TSPAN5: variants seen among roughly 807,000 people sequenced by gnomAD.
TSPAN5 encodes tetraspanin-5.
Under a neutral mutation model 37.1 loss-of-function variants are expected in TSPAN5, and 10 were observed. The observed-to-expected ratio is 0.27, with a 90% confidence interval of 0.17 to 0.46. TSPAN5 has a LOEUF of 0.46. Ranked by LOEUF, TSPAN5 falls within the 20% of genes least tolerant of loss-of-function variation. The pLI, the probability that TSPAN5 is intolerant of heterozygous loss-of-function variation, is 1.00. For missense variants in TSPAN5, 195 were observed against 326.6 expected, an observed-to-expected ratio of 0.60 and a Z score of 3.11; for synonymous variants, 110 against 118.9, an observed-to-expected ratio of 0.93 and a Z score of 0.48.
intron 5 of TSPAN5, among the ~76,000 whole-genome samples, chr4:98,478,254 G>A (rs1752751242): frequency 6.6e-6 from 1 of 152,170 alleles, no homozygotes; most frequent in African/African-American, 2.4e-5. Flanking sequence ...AATGCAGAGA[G>A]CTCTCATATG....
At chr4:98,534,816 T>A (rs565248790) in intron 1 of TSPAN5, among the ~76,000 whole-genome samples, 2 of 152,366 alleles carry the variant, frequency 1.3e-5, no homozygotes, top group African/African-American at 4.8e-5. Context: ...AAGTCTTTTT[T>A]ATCAGAGGTT....
At chr4:98,569,724 A>T (rs574584853) in intron 1 of TSPAN5, among the ~76,000 whole-genome samples, 19 of 152,334 alleles carry the variant, frequency 1.2e-4, no homozygotes, top group Non-Finnish European at 1.9e-4. Context: ...CAAGACAGAG[A>T]AGAAAATTTG....
At chr4:98,614,227 T>C (rs1756266379) in intron 1 of TSPAN5, among the ~76,000 whole-genome samples, 1 of 152,216 alleles carries the variant, frequency 6.6e-6, no homozygotes, top group Admixed American at 6.5e-5. Context: ...CCTAAAACTT[T>C]GGAGTCTTAT....
chr4:98,520,595 A>G (rs1473455973), intron 1 of TSPAN5, among the ~76,000 whole-genome samples: 1 of 152,204 alleles, frequency 6.6e-6, no homozygotes, highest in Non-Finnish European at 1.5e-5. Context: ...GCTGCAGAGT[A>G]ACTGTGTGTG....
At chr4:98,608,486 AC>A (rs941294700) in intron 1 of TSPAN5, among the ~76,000 whole-genome samples, 13 of 151,758 alleles carry the variant, frequency 8.6e-5, no homozygotes, top group Non-Finnish European at 1.6e-4. Flanking sequence ...CATGTTCCTA[AC>A]CCCCTTATCT....
chr4:98,513,500 C>T (rs183445428), intron 1 of TSPAN5, among the ~76,000 whole-genome samples: 9 of 152,088 alleles, frequency 5.9e-5, no homozygotes, highest in South Asian at 2.1e-4. Flanking sequence ...TACGGTGAAA[C>T]GGTCGGAATT....
Position 98,501,890 on chromosome 4 carries a change from G to A in TSPAN5, c.132+5788C>T, listed in dbSNP as rs143626250. Among the ~76,000 whole-genome samples, 1,214 of 152,326 alleles carry A rather than the reference G, an allele frequency of 8.0e-3. 10 individuals are homozygous for A. The highest frequency in any genetic ancestry group is 0.014 in the Middle Eastern group (4 of 294). ...CTGCACAGAGACAGCCCTAGGGTGA[G>A]GGTCAGGGTGCAAGAGCAGAGGCAG... On this transcript the variant is annotated intron_variant, in intron 2 of 7. Coordinates refer to ENST00000305798, the MANE Select transcript of TSPAN5 (RefSeq NM_005723.4).
At chr4:98,491,330 T>A (rs992512764) in intron 2 of TSPAN5, among the ~76,000 whole-genome samples, 2 of 152,150 alleles carry the variant, frequency 1.3e-5, no homozygotes, top group Non-Finnish European at 2.9e-5. Context: ...TTAGGGAAAA[T>A]TAGGGATTAC....
At chr4:98,636,979 A>T (rs1425727211) in intron 1 of TSPAN5, among the ~76,000 whole-genome samples, 1 of 152,056 alleles carries the variant, frequency 6.6e-6, no homozygotes, top group Non-Finnish European at 1.5e-5. Flanking sequence ...CAGGATACCA[A>T]AGCACCTGAT....
intron 2 of TSPAN5, among the ~76,000 whole-genome samples, chr4:98,487,839 C>T (rs1753007460): frequency 6.6e-6 from 1 of 152,116 alleles, no homozygotes; most frequent in African/African-American, 2.4e-5. Context: ...CATTTCTTTA[C>T]TGAAATCCCC....
chr4:98,491,111 G>A (rs371300072), intron 2 of TSPAN5, among the ~76,000 whole-genome samples: 99 of 152,212 alleles, frequency 6.5e-4, no homozygotes, highest in South Asian at 3.9e-3. Context: ...TTTGAGGTGC[G>A]TGTATATATA....
intron 1 of TSPAN5, among the ~76,000 whole-genome samples, chr4:98,590,637 G>C (rs1755604494): frequency 6.6e-6 from 1 of 151,874 alleles, no homozygotes. Flanking sequence ...TTGAATCCGG[G>C]AGGCAGAGGT....
chr4:98,490,196 C>T (rs1466556344), intron 2 of TSPAN5, among the ~76,000 whole-genome samples: 1 of 152,106 alleles, frequency 6.6e-6, no homozygotes, highest in Non-Finnish European at 1.5e-5. Context: ...CATGGTTGTA[C>T]ATAAAGAGCT....
At chr4:98,619,888 C>T (rs1407261985) in intron 1 of TSPAN5, among the ~76,000 whole-genome samples, 1 of 152,134 alleles carries the variant, frequency 6.6e-6, no homozygotes, top group Non-Finnish European at 1.5e-5. Context: ...GGCAAACAAG[C>T]TTCCCCAGCC....
intron 1 of TSPAN5, among the ~76,000 whole-genome samples, chr4:98,558,784 TG>T (rs1754811766): frequency 1.3e-5 from 2 of 152,216 alleles, no homozygotes; most frequent in African/African-American, 4.8e-5. Context: ...GTGGGCAAGC[TG>T]ACCTACTGTG....
At chr4:98,555,334 A>G (rs1391511330) in intron 1 of TSPAN5, among the ~76,000 whole-genome samples, 1 of 152,194 alleles carries the variant, frequency 6.6e-6, no homozygotes, top group Non-Finnish European at 1.5e-5. Flanking sequence ...TTTGACGTCA[A>G]TCATCCTGCT....
Position 98,472,442 on chromosome 4 carries a change from G to T in TSPAN5, c.*80C>A, listed in dbSNP as rs1752608919. On this transcript the variant is annotated 3_prime_UTR_variant, in exon 8 of 8. Transcript: ENST00000305798. Reference sequence around the variant, plus strand: ...CTGCATCTGTGATTAGGTCCATGCAGCTCGAAGATCAGTTCGGCACGCGGG... The same window carrying T: ...CTGCATCTGTGATTAGGTCCATGCATCTCGAAGATCAGTTCGGCACGCGGG... 42 of 1,290,854 alleles carry T rather than the reference G, an allele frequency of 3.3e-5. 1 individual carries two copies. The South Asian group carries it at 4.7e-4, about 14-fold the overall frequency. The allele number at this position is 1,290,854 out of a possible 1,614,324, so 80.0% of individuals were successfully genotyped here.
chr4:98,536,718 T>A (rs1253795554), intron 1 of TSPAN5, among the ~76,000 whole-genome samples: 1 of 152,244 alleles, frequency 6.6e-6, no homozygotes, highest in Non-Finnish European at 1.5e-5. Flanking sequence ...AATCTGGCGG[T>A]CTGGCCCCAG....
intron 1 of TSPAN5, among the ~76,000 whole-genome samples, chr4:98,563,290 T>C (rs1342855332): frequency 6.6e-6 from 1 of 151,450 alleles, no homozygotes; most frequent in Non-Finnish European, 1.5e-5. Flanking sequence ...GAGGGGCAAA[T>C]CTACTTCATT....
Sources: gnomAD v4.1 joint callset for allele counts (sites outside exome capture counted in the v4.1 genomes callset) on GRCh38, gnomAD v4.1.1 for gene constraint, MANE v1.5 for transcripts, NCBI Gene and HGNC (gene_info 2026-07-23, HGNC 2026-07-21) for gene names.